The following SLC44A5 variants were observed in gnomAD, a reference collection of about 807,000 sequenced individuals.
SLC44A5 encodes the protein choline transporter-like protein 5.
A neutral mutation model predicts 101.8 loss-of-function variants in SLC44A5; 57 were observed. The observed-to-expected ratio is 0.56, with a 90% confidence interval of 0.45 to 0.70. SLC44A5 has a LOEUF of 0.70. Among genes scored for constraint, SLC44A5 ranks in the 30% least tolerant of loss-of-function variants. The pLI, the probability that SLC44A5 is intolerant of heterozygous loss-of-function variation, is 0.00. For missense variants in SLC44A5, 737 were observed against 853.1 expected, an observed-to-expected ratio of 0.86 and a Z score of 1.70; for synonymous variants, 281 against 290.9, an observed-to-expected ratio of 0.97 and a Z score of 0.35.
At chr1:75,571,321 A>T (rs890301606) in intron 1 of SLC44A5, among the ~76,000 whole-genome samples, 4 of 152,230 alleles carry the variant, frequency 2.6e-5, no homozygotes, top group Admixed American at 1.3e-4. Context: ...CAGAAAATAT[A>T]GACTAAAGAA....
intron 5 of SLC44A5, among the ~76,000 whole-genome samples, chr1:75,300,014 C>CAAA (rs35608663): frequency 1.3e-4 from 12 of 93,784 alleles, no homozygotes; most frequent in African/African-American, 2.7e-4. Context: ...GACTCTGTCT[C>CAAA]AAAAAAAAAA....
chr1:75,497,495 T>A (rs1404942076), intron 2 of SLC44A5, among the ~76,000 whole-genome samples: 1 of 151,710 alleles, frequency 6.6e-6, no homozygotes. Context: ...GAGTGGTAGG[T>A]GGAGATGCTG....
the SLC44A5 span, among the ~76,000 whole-genome samples, chr1:75,679,839 C>T: frequency 6.6e-6 from 1 of 152,054 alleles, no homozygotes; most frequent in African/African-American, 2.4e-5. Flanking sequence ...AGAGTCAAGA[C>T]CCATCAGTGT....
chr1:75,660,268 T>C, the SLC44A5 span, among the ~76,000 whole-genome samples: 6 of 152,166 alleles, frequency 3.9e-5, no homozygotes, highest in Non-Finnish European at 5.9e-5. Context: ...AAAATTATTA[T>C]ATAAAATTCA....
chr1:75,258,590 G>A (rs981186478), intron 6 of SLC44A5, among the ~76,000 whole-genome samples: 7 of 152,118 alleles, frequency 4.6e-5, no homozygotes, highest in Admixed American at 2.6e-4. Context: ...AGGGGCGGTC[G>A]GGGGTCCAGC....
chr1:75,219,606 C>T (rs907726423), intron 15 of SLC44A5, among the ~76,000 whole-genome samples, 194 bp downstream of exon 15: 1 of 152,034 alleles, frequency 6.6e-6, no homozygotes, highest in Non-Finnish European at 1.5e-5. Context: ...CAAAATAAAA[C>T]AAATCTACAA....
At chr1:75,355,272 T>C (rs1658983755) in intron 3 of SLC44A5, among the ~76,000 whole-genome samples, 1 of 152,200 alleles carries the variant, frequency 6.6e-6, no homozygotes, top group Non-Finnish European at 1.5e-5. Context: ...ATAAACTGTA[T>C]TTTGTGCTAG....
chr1:75,365,851 T>C (rs1659822950), intron 3 of SLC44A5, among the ~76,000 whole-genome samples: 1 of 152,218 alleles, frequency 6.6e-6, no homozygotes, highest in South Asian at 2.1e-4. Context: ...GTATATCTTA[T>C]AGTTATAACA....
intron 4 of SLC44A5, among the ~76,000 whole-genome samples, chr1:75,318,376 AAAGAAAGAAAG>A (rs1392160064): frequency 4.8e-5 from 1 of 20,768 alleles, no homozygotes; most frequent in Non-Finnish European, 1.4e-4. Flanking sequence ...CTCTTGAAAG[AAAGAAAGAAAG>A]AAAGAAAGAA....
chr1:75,239,149 A>C (rs1648387405), intron 9 of SLC44A5, among the ~76,000 whole-genome samples: 1 of 152,120 alleles, frequency 6.6e-6, no homozygotes, highest in Admixed American at 6.6e-5. Context: ...AATTCTTAAC[A>C]ATTTGTCTCC....
intron 5 of SLC44A5, among the ~76,000 whole-genome samples, chr1:75,289,306 C>G (rs1049641509): frequency 6.6e-6 from 1 of 152,192 alleles, no homozygotes; most frequent in Non-Finnish European, 1.5e-5. Flanking sequence ...TGGCAAATCT[C>G]TATTAGAGAG....
At chr1:75,666,685 C>A in the SLC44A5 span, among the ~76,000 whole-genome samples, 3 of 152,226 alleles carry the variant, frequency 2.0e-5, no homozygotes, top group East Asian at 1.9e-4. Context: ...ATGTGAAAAT[C>A]CTCAATAAAA....
chr1:75,474,491 A>T (rs1423468393), intron 2 of SLC44A5, among the ~76,000 whole-genome samples: 1 of 152,180 alleles, frequency 6.6e-6, no homozygotes, highest in Non-Finnish European at 1.5e-5. Flanking sequence ...CATTTTCTGG[A>T]TTGATAATCA....
chr1:75,266,850 C>T (rs1443559804), intron 6 of SLC44A5, among the ~76,000 whole-genome samples: 1 of 152,146 alleles, frequency 6.6e-6, no homozygotes, highest in Non-Finnish European at 1.5e-5. Context: ...ATGAAGCTAA[C>T]CAATTAATAA....
At chr1:75,583,984 A>G (rs949216749) in intron 1 of SLC44A5, among the ~76,000 whole-genome samples, 6 of 152,232 alleles carry the variant, frequency 3.9e-5, no homozygotes, top group African/African-American at 1.4e-4. Flanking sequence ...TTGTCACTCA[A>G]TGTCCCAAGC....
chr1:75,271,410 T>C (rs1324722350), intron 6 of SLC44A5, among the ~76,000 whole-genome samples: 1 of 151,916 alleles, frequency 6.6e-6, no homozygotes, highest in African/African-American at 2.4e-5. Context: ...GTATATACTG[T>C]ATGCAATGTG....
chr1:75,487,686 G>T (rs1387452659), intron 2 of SLC44A5, among the ~76,000 whole-genome samples: 1 of 152,158 alleles, frequency 6.6e-6, no homozygotes, highest in African/African-American at 2.4e-5. Flanking sequence ...TCACTTCTGA[G>T]AAATGTGTCA....
At chr1:75,487,436 G>C (rs1668211804) in intron 2 of SLC44A5, among the ~76,000 whole-genome samples, 1 of 152,142 alleles carries the variant, frequency 6.6e-6, no homozygotes, top group Non-Finnish European at 1.5e-5. Context: ...GATAGAGTTT[G>C]GCACTTTCAA....
chr1:75,343,577 T>C (rs368420013), intron 3 of SLC44A5, among the ~76,000 whole-genome samples: 3 of 152,178 alleles, frequency 2.0e-5, no homozygotes, highest in East Asian at 1.9e-4. Context: ...AGGAATATTC[T>C]CCTTCTGAGA....
Sources: gnomAD v4.1 joint callset for allele counts (sites outside exome capture counted in the v4.1 genomes callset) on GRCh38, gnomAD v4.1.1 for gene constraint, MANE v1.5 for transcripts, NCBI Gene and HGNC (gene_info 2026-07-23, HGNC 2026-07-21) for gene names.